The following CENPW variants were observed in gnomAD, a reference collection of about 807,000 sequenced individuals.
The protein encoded by CENPW is cancer-up-regulated gene 2 protein.
In CENPW, 3 loss-of-function variants were observed where a neutral mutation model predicts 11.1. The ratio of observed to expected loss-of-function variants is 0.27; its 90% CI spans 0.12 to 0.70. The LOEUF (loss-of-function observed/expected upper bound fraction) is 0.70, where lower values mean the gene tolerates loss of function less well. Among genes scored for constraint, CENPW ranks in the 30% least tolerant of loss-of-function variants. CENPW has a pLI of 0.77. For missense variants in CENPW, 100 were observed against 105.6 expected (o/e 0.95, Z 0.23); for synonymous variants, 38 against 42.0 (o/e 0.91, Z 0.37).
chr6:126,361,329 T>A, the CENPW span, among the ~76,000 whole-genome samples: 1 of 151,930 alleles, frequency 6.6e-6, no homozygotes, highest in African/African-American at 2.4e-5. Context: ...TGAGACGGAG[T>A]CTTGCTCTCG....
At chr6:126,405,716 A>G in the CENPW span, among the ~76,000 whole-genome samples, 1 of 152,014 alleles carries the variant, frequency 6.6e-6, no homozygotes, top group Non-Finnish European at 1.5e-5. Context: ...GAGAATGTTC[A>G]TCTCCTTAAT....
At chr6:126,380,532 G>T in the CENPW span, among the ~76,000 whole-genome samples, 2 of 152,216 alleles carry the variant, frequency 1.3e-5, no homozygotes, top group Non-Finnish European at 2.9e-5. Context: ...TGGAAAGGCT[G>T]ATGAGAGGTT....
the CENPW span, among the ~76,000 whole-genome samples, chr6:126,424,542 C>T: frequency 6.6e-6 from 1 of 152,230 alleles, no homozygotes; most frequent in South Asian, 2.1e-4. Flanking sequence ...CACAGTTAGC[C>T]TCAATGCTTA....
the CENPW span, among the ~76,000 whole-genome samples, chr6:126,452,312 T>A: frequency 1.3e-5 from 2 of 151,264 alleles, no homozygotes; most frequent in Admixed American, 1.3e-4. Flanking sequence ...GACACAGGTG[T>A]TGGAATCATC....
chr6:126,380,355 C>T, the CENPW span, among the ~76,000 whole-genome samples: 4 of 152,206 alleles, frequency 2.6e-5, no homozygotes, highest in African/African-American at 9.7e-5. Context: ...AACTGGCTTG[C>T]TTTCAAATTG....
At chr6:126,424,739 G>T in the CENPW span, among the ~76,000 whole-genome samples, 1 of 152,120 alleles carries the variant, frequency 6.6e-6, no homozygotes, top group African/African-American at 2.4e-5. Context: ...CTGGATGGTG[G>T]CTGTGCAACA....
the CENPW span, among the ~76,000 whole-genome samples, chr6:126,416,237 TGA>T: frequency 6.6e-6 from 1 of 152,054 alleles, no homozygotes; most frequent in South Asian, 2.1e-4. Flanking sequence ...ACGTTGAAAT[TGA>T]GAGAGATGAT....
At chr6:126,351,049 AATG>A (rs1244754541), downstream of CENPW, among the ~76,000 whole-genome samples, 3 of 149,856 alleles carry the variant, frequency 2.0e-5, no homozygotes, top group Non-Finnish European at 4.4e-5. Flanking sequence ...TTTTTTTTTT[AATG>A]ATGTTTTCCC....
At chr6:126,426,101 CAT>C in the CENPW span, among the ~76,000 whole-genome samples, 2 of 152,090 alleles carry the variant, frequency 1.3e-5, no homozygotes, top group African/African-American at 4.8e-5. Flanking sequence ...TTGAATAAAA[CAT>C]ATAGACACAA....
At chr6:126,387,136 T>C in the CENPW span, among the ~76,000 whole-genome samples, 1 of 149,006 alleles carries the variant, frequency 6.7e-6, no homozygotes, top group African/African-American at 2.6e-5. Flanking sequence ...TTTCTTTTAA[T>C]AAATAAATTC....
the CENPW span, among the ~76,000 whole-genome samples, chr6:126,464,496 A>T: frequency 1.3e-5 from 2 of 152,136 alleles, no homozygotes; most frequent in Non-Finnish European, 2.9e-5. Context: ...ATCAGCTGCC[A>T]GTGTGATAGA....
the CENPW span, among the ~76,000 whole-genome samples, chr6:126,459,263 C>T: frequency 6.6e-6 from 1 of 150,984 alleles, no homozygotes; most frequent in East Asian, 2.0e-4. Flanking sequence ...AGACAATTTG[C>T]TAGAGAGTCT....
the CENPW span, among the ~76,000 whole-genome samples, chr6:126,381,254 C>T: frequency 6.6e-6 from 1 of 152,080 alleles, no homozygotes; most frequent in Non-Finnish European, 1.5e-5. Flanking sequence ...TATATGTTGT[C>T]TTAGGACCTT....
At chr6:126,454,293 A>G in the CENPW span, among the ~76,000 whole-genome samples, 1 of 151,236 alleles carries the variant, frequency 6.6e-6, no homozygotes, top group Non-Finnish European at 1.5e-5. Context: ...CACATGGCAC[A>G]TACTCTAAAA....
the CENPW span, among the ~76,000 whole-genome samples, chr6:126,361,227 C>T: frequency 6.6e-6 from 1 of 152,208 alleles, no homozygotes; most frequent in East Asian, 1.9e-4. Context: ...GTAGATGGCG[C>T]TTAAGACGCT....
At chr6:126,471,770 G>A in the CENPW span, among the ~76,000 whole-genome samples, 1 of 152,130 alleles carries the variant, frequency 6.6e-6, no homozygotes, top group Non-Finnish European at 1.5e-5. Flanking sequence ...TGGGGAAAGG[G>A]TGCAATAATT....
the CENPW span, among the ~76,000 whole-genome samples, chr6:126,390,107 C>T: frequency 6.6e-6 from 1 of 151,912 alleles, no homozygotes; most frequent in East Asian, 1.9e-4. Context: ...CATCACTCTT[C>T]TTCACAGTCT....
the CENPW span, among the ~76,000 whole-genome samples, chr6:126,362,448 A>C: frequency 6.6e-6 from 1 of 151,906 alleles, no homozygotes; most frequent in Admixed American, 6.6e-5. Flanking sequence ...TGGTGCACCC[A>C]ATTCAGTCTC....
the CENPW span, among the ~76,000 whole-genome samples, chr6:126,474,477 T>A: frequency 6.6e-6 from 1 of 152,154 alleles, no homozygotes; most frequent in East Asian, 1.9e-4. Flanking sequence ...TTTGCTTATA[T>A]GTGACCAAGA....
Sources: allele counts gnomAD v4.1 joint callset (sites outside exome capture counted in the v4.1 genomes callset), GRCh38; gene constraint gnomAD v4.1.1; transcripts MANE v1.5; gene names NCBI Gene and HGNC (gene_info 2026-07-23, HGNC 2026-07-21).